GABBR1: variants seen among roughly 807,000 people sequenced by gnomAD.
GABBR1 encodes the protein gamma-aminobutyric acid type B receptor subunit 1.
In GABBR1, 35 loss-of-function variants were observed where a neutral mutation model predicts 117.7. The observed-to-expected ratio is 0.30, with a 90% CI of 0.23 to 0.39. The LOEUF (loss-of-function observed/expected upper bound fraction) is 0.39. Among genes scored for constraint, GABBR1 ranks in the 10% least tolerant of loss-of-function variants. The pLI is 1.00. For missense variants in GABBR1, 709 were observed against 1,241.8 expected (o/e 0.57, Z 6.45); for synonymous variants, 442 against 486.6 (o/e 0.91, Z 1.21).
chr6:29,610,345 T>C (rs1403480275), intron 14 of GABBR1, among the ~76,000 whole-genome samples: 1 of 152,208 alleles, frequency 6.6e-6, no homozygotes, highest in Non-Finnish European at 1.5e-5. Context: ...AGGTGCACTG[T>C]TCGGGTGACA....
intron 22 of GABBR1, 124 bp from the exon 23 acceptor site, chr6:29,603,840 C>T (rs554120922): frequency 1.5e-5 from 9 of 594,858 alleles, no homozygotes; most frequent in South Asian, 9.3e-5. Flanking sequence ...AGGGGGAGGA[C>T]GTAGGGTAAG....
chr6:29,607,301 G>A lies in GABBR1; in HGVS notation c.1993-83C>T, dbSNP rs1762060686. On this transcript the variant is annotated intron_variant, in intron 16 of 22. Coordinates refer to ENST00000377034, the MANE Select transcript of GABBR1 (RefSeq NM_001470.4). This position sits in a 1 kb window ranked among gnomAD's most constrained non-coding sequence, Gnocchi z 5.0. The stretch of plus-strand genomic sequence containing the variant: ...TAAGGATGGGCAGAACCCTAAGGGA[G>A]AGTGGGCAGGGAGCACGGGCAGGGA... The A allele has an allele frequency of 9.0e-7, 1 of 1,111,948 alleles. No homozygotes were observed. The allele number at this position is 1,111,948 out of a possible 1,614,324, so 68.9% of individuals were successfully genotyped here.
At chr6:29,625,097 G>A (rs1162547546) in intron 6 of GABBR1, among the ~76,000 whole-genome samples, 1 of 152,100 alleles carries the variant, frequency 6.6e-6, no homozygotes, top group Non-Finnish European at 1.5e-5. Flanking sequence ...TTGGAGAAGG[G>A]GGAGCCAGGG....
Position 29,607,057 on chromosome 6 carries a change from C to G in GABBR1, c.2109+45G>C. 1 of 1,609,748 alleles carries G rather than the reference C, an allele frequency of 6.2e-7. No individual in the cohort carries two copies. Among genetic ancestry groups the G allele is most frequent in the South Asian group, 1.1e-5 (1 of 91,000 alleles). On this transcript the variant is annotated intron_variant, in intron 17 of 22. Coordinates refer to ENST00000377034, the MANE Select transcript of GABBR1 (RefSeq NM_001470.4). The surrounding 1 kb of genome is among the most constrained non-coding windows in gnomAD (Gnocchi z 5.0). ...ACGTCAGGGGAAAATGCTCTGTGCC[C>G]CAGGAGCCAAGGATCTGGGGGCTGA... is the stretch of plus-strand genomic sequence containing the variant.
Position 29,605,422 on chromosome 6 carries a change from A to G in GABBR1, c.2439+147T>C, listed in dbSNP as rs1413457722. The G allele has an allele frequency of 1.1e-6, 1 of 906,834 alleles. No homozygotes were observed. The highest frequency in any genetic ancestry group is 1.7e-6 in the Non-Finnish European group (1 of 592,518). The allele number at this position is 906,834 out of a possible 1,614,324, so 56.2% of individuals were successfully genotyped here. A position where few individuals can be genotyped will look rare whatever the true frequency, so the allele number is the denominator to read the frequency against. On this transcript the variant is annotated intron_variant, in intron 20 of 22. Coordinates refer to ENST00000377034, the MANE Select transcript of GABBR1 (RefSeq NM_001470.4). The surrounding 1 kb of genome is among the most constrained non-coding windows in gnomAD (Gnocchi z 4.2). ...GTCTGTAGTGAGCTTTGTAAACTGT[A>G]AAGTGCTTTATAGACCTGAAGAATT...
intron 14 of GABBR1, 43 bp downstream of exon 14, chr6:29,610,881 T>C (rs1248651760): frequency 6.5e-7 from 1 of 1,532,308 alleles, no homozygotes; most frequent in East Asian, 2.2e-5. Flanking sequence ...TTCCCTTGAC[T>C]GTCGAGAGGG....
At chr6:29,614,584 C>T (rs115050238) in intron 11 of GABBR1, among the ~76,000 whole-genome samples, 2 of 152,300 alleles carry the variant, frequency 1.3e-5, no homozygotes, top group Non-Finnish European at 2.9e-5. Context: ...GGAGCCTGGG[C>T]TTTGAAGATG....
rs953551871 is a variant in GABBR1, at chr6:29,621,449, A to G, written c.1132-157T>C. Among the ~76,000 whole-genome samples, 3 of 152,148 alleles carry G rather than the reference A, an allele frequency of 2.0e-5. No homozygotes were observed. Among genetic ancestry groups the G allele is most frequent in the Non-Finnish European group, 2.9e-5 (2 of 68,028 alleles). On this transcript the variant is annotated intron_variant, in intron 10 of 22. Coordinates refer to ENST00000377034, the MANE Select transcript of GABBR1 (RefSeq NM_001470.4). This position sits in a 1 kb window ranked among gnomAD's most constrained non-coding sequence, Gnocchi z 5.0. ...TTGGGGATAGTAGGAAAGGCTGACAATTCTTCCTTCTAAGTTTCTCCCCAG... is the reference window on the plus strand; with the variant it reads ...TTGGGGATAGTAGGAAAGGCTGACAGTTCTTCCTTCTAAGTTTCTCCCCAG...
In GABBR1 at chr6:29,621,640, T is replaced by A; in HGVS notation, c.1131+112A>T. On this transcript the variant is annotated intron_variant, in intron 10 of 22. Coordinates refer to ENST00000377034, the MANE Select transcript of GABBR1 (RefSeq NM_001470.4). The surrounding 1 kb of genome is among the most constrained non-coding windows in gnomAD (Gnocchi z 5.0). ...ACAGACAGAGACATCCTATGAATCG[T>A]CACCTCAGATCATATGCTATCAACT... is the stretch of plus-strand genomic sequence containing the variant. The A allele has an allele frequency of 2.2e-6, 2 of 900,538 alleles. No individual in the cohort carries two copies. The highest frequency in any genetic ancestry group is 4.4e-4 in the Middle Eastern group (2 of 4,496). The allele number at this position is 900,538 out of a possible 1,614,324, so 55.8% of individuals were successfully genotyped here. A position where few individuals can be genotyped will look rare whatever the true frequency, so the allele number is the denominator to read the frequency against.
In GABBR1 at chr6:29,609,136, T is replaced by A; in HGVS notation, c.1859+93A>T. On this transcript the variant is annotated intron_variant, in intron 15 of 22. Coordinates refer to ENST00000377034, the MANE Select transcript of GABBR1 (RefSeq NM_001470.4). The surrounding 1 kb of genome is among the most constrained non-coding windows in gnomAD (Gnocchi z 4.3). ...TGAAAAACTCCATGATACATGGCCATGGGAGTTACACAGGTTTTATTCTCA... is the reference window on the plus strand; with the variant it reads ...TGAAAAACTCCATGATACATGGCCAAGGGAGTTACACAGGTTTTATTCTCA... 1 of 1,217,960 alleles carries A rather than the reference T, an allele frequency of 8.2e-7. No homozygotes were observed. Among genetic ancestry groups the A allele is most frequent in the Non-Finnish European group, 1.2e-6 (1 of 850,542 alleles). The allele number at this position is 1,217,960 out of a possible 1,614,324, so 75.4% of individuals were successfully genotyped here.
At chr6:29,616,125 T>C (rs1370256536) in intron 11 of GABBR1, among the ~76,000 whole-genome samples, 1 of 150,670 alleles carries the variant, frequency 6.6e-6, no homozygotes, top group Non-Finnish European at 1.5e-5. Flanking sequence ...GGCTTGAACC[T>C]GGGAGGCGGA....
rs751175360 is a variant in GABBR1, at chr6:29,622,801, T to C, written c.963+504A>G. Among the ~76,000 whole-genome samples, 73 of 151,988 alleles carry C rather than the reference T, an allele frequency of 4.8e-4. No individual in the cohort carries two copies. Among genetic ancestry groups the C allele is most frequent in the Non-Finnish European group, 8.8e-4 (60 of 67,982 alleles). On this transcript the variant is annotated intron_variant, in intron 8 of 22. Transcript: ENST00000377034. This position sits in a 1 kb window ranked among gnomAD's most constrained non-coding sequence, Gnocchi z 4.6. ...TCGGCTTCTCTCTCTTAGTACCAACTACCAGATCCATGCAGCTGCCTTTCT... is the reference window on the plus strand; with the variant it reads ...TCGGCTTCTCTCTCTTAGTACCAACCACCAGATCCATGCAGCTGCCTTTCT...
chr6:29,602,712 T>C lies in GABBR1; in HGVS notation c.*831A>G, dbSNP rs1036731866. On this transcript the variant is annotated 3_prime_UTR_variant, in exon 23 of 23. Transcript: ENST00000377034. ...GTACATGGAGGGTACACAGGGAAAG[T>C]ACATGGATAAACATGGACGTGTGCA... 49 of 334,214 alleles carry C rather than the reference T, an allele frequency of 1.5e-4. No homozygotes were observed. Among genetic ancestry groups the C allele is most frequent in the Middle Eastern group, 1.1e-3 (1 of 946 alleles). The allele number at this position is 334,214 out of a possible 1,614,324, so 20.7% of individuals were successfully genotyped here. A position where few individuals can be genotyped will look rare whatever the true frequency, so the allele number is the denominator to read the frequency against.
Position 29,620,236 on chromosome 6 carries a change from T to A in GABBR1, c.1323+865A>T, listed in dbSNP as rs1763605850. 6.6e-6 allele frequency among the ~76,000 whole-genome samples: 1 copy of A among 152,194 alleles called. No homozygotes were observed. Among genetic ancestry groups the A allele is most frequent in the East Asian group, 1.9e-4 (1 of 5,200 alleles). On this transcript the variant is annotated intron_variant, in intron 11 of 22. Coordinates refer to ENST00000377034, the MANE Select transcript of GABBR1 (RefSeq NM_001470.4). This position sits in a 1 kb window ranked among gnomAD's most constrained non-coding sequence, Gnocchi z 4.5. ...CCACATCAGAGTTTTGCTGTTAGAA[T>A]CCCTGAAATCATGAATCTAAGTACC... is the stretch of plus-strand genomic sequence containing the variant.
chr6:29,628,046 G>T, intron 5 of GABBR1: 1 of 1,158,196 alleles, frequency 8.6e-7, no homozygotes, highest in African/African-American at 1.7e-5. Flanking sequence ...GAGCAGGAGG[G>T]AGATGTGGGG....
rs1265341840 is a variant in GABBR1, at chr6:29,623,500, A to G, written c.793-25T>C. ...GCTGTGGGGCAGGGAGAGTGAGTGCAACAGGGTCTGTTCACTGAGGACACC... is the reference window on the plus strand; with the variant it reads ...GCTGTGGGGCAGGGAGAGTGAGTGCGACAGGGTCTGTTCACTGAGGACACC... On this transcript the variant is annotated intron_variant, in intron 7 of 22. Coordinates refer to ENST00000377034, the MANE Select transcript of GABBR1 (RefSeq NM_001470.4). The surrounding 1 kb of genome is among the most constrained non-coding windows in gnomAD (Gnocchi z 6.2). 1.2e-6 allele frequency: 2 copies of G among 1,610,420 alleles called. No individual in the cohort carries two copies. Among genetic ancestry groups the G allele is most frequent in the East Asian group, 4.5e-5 (2 of 44,864 alleles).
chr6:29,612,487 G>A, intron 13 of GABBR1, 64 bp downstream of exon 13: 1 of 1,412,018 alleles, frequency 7.1e-7, no homozygotes, highest in Non-Finnish European at 1.0e-6. Flanking sequence ...TCTTCCCCAG[G>A]GGGCATCCCA....
chr6:29,620,937 G>A lies in GABBR1; in HGVS notation c.1323+164C>T, dbSNP rs1698201230. On this transcript the variant is annotated intron_variant, in intron 11 of 22. Transcript: ENST00000377034. This position sits in a 1 kb window ranked among gnomAD's most constrained non-coding sequence, Gnocchi z 4.5. The stretch of plus-strand genomic sequence containing the variant: ...CCCAAGGAAGTCAGAGCAAAGGTAG[G>A]ATCCACAGGAAACATAATGCAGACA... Among the ~76,000 whole-genome samples the A allele has an allele frequency of 1.3e-5, 2 of 151,650 alleles. No individual in the cohort carries two copies. Among genetic ancestry groups the A allele is most frequent in the South Asian group, 4.2e-4 (2 of 4,804 alleles).
chr6:29,628,585 T>C (rs992097643), intron 5 of GABBR1, among the ~76,000 whole-genome samples: 1 of 151,342 alleles, frequency 6.6e-6, no homozygotes, highest in Non-Finnish European at 1.5e-5. Context: ...GGACATGGAA[T>C]TGAGAAAAGA....
Sources: gnomAD v4.1 joint callset for allele counts (sites outside exome capture counted in the v4.1 genomes callset) on GRCh38, gnomAD v4.1.1 for gene constraint, Gnocchi (gnomAD v3.1) non-coding constraint, MANE v1.5 for transcripts, NCBI Gene and HGNC (gene_info 2026-07-23, HGNC 2026-07-21) for gene names.